TRIM50: variants seen among roughly 807,000 people sequenced by gnomAD.
TRIM50 encodes the protein E3 ubiquitin-protein ligase TRIM50.
Under a neutral mutation model 44.9 loss-of-function variants are expected in TRIM50, and 34 were observed. The observed-to-expected ratio is 0.76, with a 90% CI of 0.58 to 1.01. TRIM50 has a LOEUF of 1.01. Ranked by LOEUF, TRIM50 falls within the 50% of genes least tolerant of loss-of-function variation. The pLI is 0.00. For missense variants in TRIM50, 633 were observed against 663.7 expected, an observed-to-expected ratio of 0.95 and a Z score of 0.51; for synonymous variants, 307 against 291.1, an observed-to-expected ratio of 1.05 and a Z score of -0.56.
At chr7:73,327,360 T>G (rs1180189984) in intron 1 of TRIM50, among the ~76,000 whole-genome samples, 8 of 152,018 alleles carry the variant, frequency 5.3e-5, no homozygotes, top group South Asian at 2.1e-4. Context: ...GGTGGTGCAG[T>G]TCTGTAATCC....
At chr7:73,320,410 G>A (rs782012798) in intron 2 of TRIM50, among the ~76,000 whole-genome samples, 168 bp from the exon 3 acceptor site, 4 of 152,224 alleles carry the variant, frequency 2.6e-5, no homozygotes, top group African/African-American at 9.6e-5. Context: ...TAAATTGTTC[G>A]AGAATAGTCT....
rs782524115 is a variant in TRIM50, at chr7:73,320,147, G to A, written c.495C>T (p.Val165=). 23 of 1,612,178 alleles carry A rather than the reference G, an allele frequency of 1.4e-5. No homozygotes were observed. The highest frequency in any genetic ancestry group is 5.0e-5 in the Admixed American group (3 of 60,002). The change falls in exon 3 of 7, where the codon GTC becomes GTT. Residue 165 remains valine (V), a splice_region_variant and synonymous_variant. Coordinates refer to ENST00000333149, the MANE Select transcript of TRIM50 (RefSeq NM_178125.3). ...AKLVNNRTRI[V]NESDVFSWVI... ...AGGGGCAGAGGGAAGGGGCACTCACGACGATTCGGGTCCGGTTGTTCACCA... is the reference window on the plus strand; with the variant it reads ...AGGGGCAGAGGGAAGGGGCACTCACAACGATTCGGGTCCGGTTGTTCACCA...
At chr7:73,321,734 G>A (rs1290504203) in intron 2 of TRIM50, among the ~76,000 whole-genome samples, 1 of 152,142 alleles carries the variant, frequency 6.6e-6, no homozygotes, top group African/African-American at 2.4e-5. Flanking sequence ...GAGCTGCAAG[G>A]GGCTTTCAGG....
At chr7:73,325,480 CCG>C (rs1554545898) in intron 1 of TRIM50, 1 of 154,812 alleles carries the variant, frequency 6.5e-6, no homozygotes. Context: ...TTCTCACAAT[CCG>C]CTGGGCCTCC....
Position 73,312,942 on chromosome 7 carries a change from G to A in TRIM50, c.1443C>T (p.Pro481=), listed in dbSNP as rs1412396244. 3.3e-5 allele frequency: 51 copies of A among 1,547,304 alleles called. No individual in the cohort carries two copies. The highest frequency in any genetic ancestry group is 3.9e-5 in the Non-Finnish European group (45 of 1,145,674). The change falls in exon 7 of 7, where the codon CCC becomes CCT. Residue 481 remains proline (P), a synonymous_variant. Coordinates refer to ENST00000333149, the MANE Select transcript of TRIM50 (RefSeq NM_178125.3). The part of the protein sequence containing the change: ...PPPSGPGPLS[P]EQPTKL ...GGCCCTACAGCTTGGTGGGCTGCTC[G>A]GGGCTGAGGGGGCCAGGCCCGCTGG...
rs374235886 is a variant in TRIM50 at position 73,324,686 on chromosome 7, A to G, written c.102T>C (p.Ser34=). Residue 34 remains serine, a synonymous_variant, in exon 2 of 7, where the codon TCT becomes TCC. Coordinates refer to ENST00000333149, the MANE Select transcript of TRIM50 (RefSeq NM_178125.3). The part of the protein sequence containing the change: ...KEPLMLQCGH[S]YCKGCLVSLS... Reference sequence around the variant, plus strand: ...GGGAAACCAGGCAGCCCTTGCAGTAAGAGTGGCCACACTGCAGCATCAGGG... The same window carrying G: ...GGGAAACCAGGCAGCCCTTGCAGTAGGAGTGGCCACACTGCAGCATCAGGG... 124 of 1,614,072 alleles carry G rather than the reference A, an allele frequency of 7.7e-5. No individual in the cohort carries two copies. The Middle Eastern group carries it at 8.2e-4, about 11-fold the overall frequency.
In TRIM50 at chr7:73,313,037, G is replaced by A. The variant is rs1471962543; in HGVS notation, c.1348C>T (p.Leu450Phe). The A allele has an allele frequency of 3.2e-6, 5 of 1,570,760 alleles. No individual in the cohort carries two copies. Among genetic ancestry groups the A allele is most frequent in the East Asian group, 4.7e-5 (2 of 42,692 alleles). The change falls in exon 7 of 7, where the codon CTC (leucine) becomes TTC (phenylalanine). Residue 450 changes from leucine (L) to phenylalanine (F), a missense_variant. Leu to Phe is a conservative substitution (Grantham distance 22). Transcript: ENST00000333149. The surrounding 1 kb of genome is among the most constrained non-coding windows in gnomAD (Gnocchi z 4.9). ...YTFQADFQGK[L>F]YPILDTCWHE... ...CAGCAGGTGTCCAGGATGGGGTAGA[G>A]CTTGCCCTGGAAGTCGGCCTGGAAG...
rs2115803009 is a variant in TRIM50 at position 73,328,051 on chromosome 7, C to G, written c.-170G>C. The stretch of plus-strand genomic sequence containing the variant: ...CGCACGCTATGGTTACATGCCCCGC[C>G]TCGCGCTACCGCGCGTGCCCCATCA... On this transcript the variant is annotated 5_prime_UTR_variant, in exon 1 of 7. Transcript: ENST00000333149. 5 of 767,306 alleles carry G rather than the reference C, an allele frequency of 6.5e-6. No homozygotes were observed. The South Asian group carries it at 8.7e-5, about 13-fold the overall frequency. The allele number at this position is 767,306 out of a possible 1,614,324, so 47.5% of individuals were successfully genotyped here. A position where few individuals can be genotyped will look rare whatever the true frequency, so the allele number is the denominator to read the frequency against.
chr7:73,317,785 T>C (rs1416008168), intron 5 of TRIM50, among the ~76,000 whole-genome samples: 1 of 152,168 alleles, frequency 6.6e-6, no homozygotes, highest in Non-Finnish European at 1.5e-5. Context: ...TGTTCGTTTG[T>C]TGGGTCTAGA....
At chr7:73,317,506 T>C (rs1278739351) in intron 5 of TRIM50, among the ~76,000 whole-genome samples, 1 of 151,914 alleles carries the variant, frequency 6.6e-6, no homozygotes, top group African/African-American at 2.4e-5. Flanking sequence ...TACAGGTGCC[T>C]GCCACCACAC....
In TRIM50 at chr7:73,313,344, G is replaced by T. The variant is rs782817772; in HGVS notation, c.1041C>A (p.Gly347=). 18 of 1,604,166 alleles carry T rather than the reference G, an allele frequency of 1.1e-5. No homozygotes were observed. Among genetic ancestry groups the T allele is most frequent in the Non-Finnish European group, 1.5e-5 (18 of 1,176,422 alleles). The change falls in exon 7 of 7, where the codon GGC becomes GGA. Residue 347 remains glycine, a synonymous_variant. Transcript: ENST00000333149. This position sits in a 1 kb window ranked among gnomAD's most constrained non-coding sequence, Gnocchi z 4.9. ...CVLASRGFSC[G]RHYWEVVVGS... is the part of the protein sequence containing the mutation. ...CCACCACCACCTCCCAGTAGTGGCGGCCGCAGGAGAAGCCGCGGCTGGCCA... is the reference window on the plus strand; with the variant it reads ...CCACCACCACCTCCCAGTAGTGGCGTCCGCAGGAGAAGCCGCGGCTGGCCA...
chr7:73,313,084 T>C lies in TRIM50; in HGVS notation c.1301A>G (p.Asp434Gly). 6.3e-7 allele frequency: 1 copy of C among 1,590,114 alleles called. No individual in the cohort carries two copies. Among genetic ancestry groups the C allele is most frequent in the Non-Finnish European group, 8.6e-7 (1 of 1,169,084 alleles). The change falls in exon 7 of 7, where the codon GAT (aspartate) becomes GGT (glycine). Residue 434 changes from aspartate (D) to glycine (G), a missense_variant. Physicochemically the swap from Asp to Gly is moderately conservative, Grantham distance 94 (BLOSUM62 -1). Coordinates refer to ENST00000333149, the MANE Select transcript of TRIM50 (RefSeq NM_178125.3). This position sits in a 1 kb window ranked among gnomAD's most constrained non-coding sequence, Gnocchi z 4.9. ...GAAGGTGTAGAGCGGCCGCAGGTCA[T>C]CGGGGCGGTCGGCATCGAAGAAGGT... Reference protein sequence around the residue: ...ELTFFDADRPDDLRPLYTFQA... With the variant: ...ELTFFDADRPGDLRPLYTFQA...
chr7:73,320,662 C>A (rs1483586384), intron 2 of TRIM50, among the ~76,000 whole-genome samples: 1 of 151,874 alleles, frequency 6.6e-6, no homozygotes, highest in African/African-American at 2.4e-5. Context: ...CATGCCACTG[C>A]ACTCCAGCCT....
chr7:73,324,367 C>A, intron 2 of TRIM50, 22 bp downstream of exon 2: 2 of 1,613,960 alleles, frequency 1.2e-6, no homozygotes, highest in Non-Finnish European at 1.7e-6. Context: ...TCTCCAGCCG[C>A]CCCTGCACCC....
intron 1 of TRIM50, among the ~76,000 whole-genome samples, chr7:73,326,970 T>C (rs558494062): frequency 6.6e-6 from 1 of 152,248 alleles, no homozygotes; most frequent in African/African-American, 2.4e-5. Context: ...TTTGTAATTT[T>C]AGTAGAGATG....
At chr7:73,325,106 G>A (rs1475346400) in intron 1 of TRIM50, among the ~76,000 whole-genome samples, 1 of 151,570 alleles carries the variant, frequency 6.6e-6, no homozygotes, top group African/African-American at 2.4e-5. Flanking sequence ...CATCTGCAGG[G>A]TCATTTGCAG....
At position 73,313,415 on chromosome 7, in the gene TRIM50, G is replaced by A. The variant is rs1554543559; in HGVS notation, c.970C>T (p.Arg324Trp). ...AAGCGCTCAGGCTGGCTGGCTCGCCGCTGGGCCAGAAGCCCGCACTGCACC... is the reference window on the plus strand; with the variant it reads ...AAGCGCTCAGGCTGGCTGGCTCGCCACTGGGCCAGAAGCCCGCACTGCACC... ...TVVQCGLLAQ[R>W]RASQPERFDY... The change falls in exon 7 of 7, where the codon CGG (arginine) becomes TGG (tryptophan). Residue 324 changes from arginine (R) to tryptophan (W), a missense_variant. Arg to Trp is a moderately radical substitution (Grantham distance 101). Transcript: ENST00000333149. This position sits in a 1 kb window ranked among gnomAD's most constrained non-coding sequence, Gnocchi z 4.9. 6.4e-7 allele frequency: 1 copy of A among 1,572,446 alleles called. No homozygotes were observed. The highest frequency in any genetic ancestry group is 1.2e-5 in the South Asian group (1 of 86,646).
intron 2 of TRIM50, among the ~76,000 whole-genome samples, chr7:73,321,436 G>A (rs1422966945): frequency 1.3e-5 from 2 of 152,126 alleles, no homozygotes; most frequent in Non-Finnish European, 2.9e-5. Flanking sequence ...CTAATTCTAG[G>A]GCCAGTGGTG....
chr7:73,325,519 G>A lies in TRIM50; in HGVS notation c.-18-714C>T, dbSNP rs563828361. 3 of 154,450 alleles carry A rather than the reference G, an allele frequency of 1.9e-5. No individual in the cohort carries two copies. The East Asian group carries it at 5.8e-4, about 30-fold the overall frequency. The allele number at this position is 154,450 out of a possible 1,614,324, so 9.6% of individuals were successfully genotyped here. A position where few individuals can be genotyped will look rare whatever the true frequency, so the allele number is the denominator to read the frequency against. ...ACTACAGCCTCAAGCCAGCATCACT[G>A]GCTTTCCTTCTTCCCAGCAGGGAAC... On this transcript the variant is annotated intron_variant, in intron 1 of 6. Coordinates refer to ENST00000333149, the MANE Select transcript of TRIM50 (RefSeq NM_178125.3).
Sources: gnomAD v4.1 joint callset for allele counts (sites outside exome capture counted in the v4.1 genomes callset) on GRCh38, gnomAD v4.1.1 for gene constraint, Gnocchi (gnomAD v3.1) non-coding constraint, MANE v1.5 for transcripts, NCBI Gene and HGNC (gene_info 2026-07-23, HGNC 2026-07-21) for gene names.